The following EHBP1 variants were observed in gnomAD, a reference collection of about 807,000 sequenced individuals.
The protein encoded by EHBP1 is EH domain binding protein 1.
In EHBP1, 55 loss-of-function variants were observed where a neutral mutation model predicts 144.0. The ratio of observed to expected loss-of-function variants is 0.38; its 90% CI spans 0.31 to 0.48. EHBP1 has a LOEUF of 0.48. EHBP1 is among the 20% of genes least tolerant of loss of function. The probability of loss-of-function intolerance (pLI) is 0.98; values close to 1 mark genes in which losing one functional copy is unlikely to be tolerated. For missense variants in EHBP1, 1,200 were observed against 1,364.2 expected (o/e 0.88, Z 1.90); for synonymous variants, 469 against 472.7 (o/e 0.99, Z 0.10).
intron 5 of EHBP1, among the ~76,000 whole-genome samples, chr2:62,819,779 A>G (rs1000463585): frequency 1.3e-5 from 2 of 152,006 alleles, no homozygotes. Flanking sequence ...AACAAAAAAA[A>G]AAAAACCCGC....
intron 10 of EHBP1, among the ~76,000 whole-genome samples, chr2:62,930,801 A>T (rs1213932383): frequency 6.6e-6 from 1 of 152,174 alleles, no homozygotes; most frequent in Non-Finnish European, 1.5e-5. Flanking sequence ...TCAACAAATA[A>T]TATTGGAAAA....
chr2:63,000,385 T>G (rs902471023), intron 19 of EHBP1, among the ~76,000 whole-genome samples: 3 of 146,682 alleles, frequency 2.0e-5, no homozygotes, highest in Admixed American at 6.8e-5. Flanking sequence ...AGTGTGTGTG[T>G]TTTTTTTTTT....
chr2:62,865,346 A>C (rs1041405004), intron 9 of EHBP1, among the ~76,000 whole-genome samples: 1 of 152,220 alleles, frequency 6.6e-6, no homozygotes, highest in African/African-American at 2.4e-5. Flanking sequence ...AGAACAAAAT[A>C]ATCATTTGTG....
chr2:63,042,338 A>G (rs2061695951), intron 21 of EHBP1, among the ~76,000 whole-genome samples: 1 of 152,124 alleles, frequency 6.6e-6, no homozygotes, highest in Non-Finnish European at 1.5e-5. Flanking sequence ...GTTTGTGTAC[A>G]TATATATTAT....
chr2:63,011,637 T>C (rs905878540), intron 19 of EHBP1, among the ~76,000 whole-genome samples: 3 of 151,856 alleles, frequency 2.0e-5, no homozygotes, highest in African/African-American at 7.2e-5. Flanking sequence ...AAATTCAAGA[T>C]AGAAAATATA....
At chr2:62,758,876 A>G (rs1228624353) in intron 3 of EHBP1, among the ~76,000 whole-genome samples, 2 of 152,224 alleles carry the variant, frequency 1.3e-5, no homozygotes, top group Non-Finnish European at 2.9e-5. Context: ...GACTTTATAT[A>G]TGACATCTTA....
Position 62,949,142 on chromosome 2 carries a change from C to A in EHBP1, c.2296C>A (p.His766Asn), listed in dbSNP as rs768582306. Residue 766 changes from histidine (H) to asparagine (N), a missense_variant, in exon 13 of 23, where the codon CAT becomes AAT. By Grantham distance (68) the His-to-Asn change is moderately conservative. Around this residue, in one of 6 missense-constraint regions of EHBP1, gnomAD observed 543 missense variants for 513.1 expected, o/e 1.06. Transcript: ENST00000431489. ...TAGAACCACTTTAAATCATGCAGATCATTCATCAAAAATAGTCCAGGTAAG... is the reference window on the plus strand; with the variant it reads ...TAGAACCACTTTAAATCATGCAGATAATTCATCAAAAATAGTCCAGGTAAG... ...ADRTTLNHADHSSKIVQHRLL... is the reference protein window; with the variant it reads ...ADRTTLNHADNSSKIVQHRLL... 6.4e-7 allele frequency: 1 copy of A among 1,557,392 alleles called. No individual in the cohort carries two copies. The highest frequency in any genetic ancestry group is 1.2e-5 in the South Asian group (1 of 81,268).
intron 1 of EHBP1, among the ~76,000 whole-genome samples, chr2:62,696,637 C>T (rs1172301081): frequency 6.6e-6 from 1 of 150,526 alleles, no homozygotes; most frequent in South Asian, 2.1e-4. Flanking sequence ...CCTCAGCCTG[C>T]CAAGTAGCTG....
At chr2:62,792,366 G>A (rs1373384067) in intron 5 of EHBP1, among the ~76,000 whole-genome samples, 1 of 151,934 alleles carries the variant, frequency 6.6e-6, no homozygotes, top group Non-Finnish European at 1.5e-5. Flanking sequence ...TGTGGAGCAG[G>A]GCTAACTCCT....
At chr2:62,769,374 C>T (rs985942361) in intron 4 of EHBP1, among the ~76,000 whole-genome samples, 5 of 151,882 alleles carry the variant, frequency 3.3e-5, no homozygotes, top group South Asian at 2.1e-4. Flanking sequence ...AAAGCCAATC[C>T]GAGAGCCAAA....
chr2:62,799,658 A>G (rs2043830020), intron 5 of EHBP1, among the ~76,000 whole-genome samples: 1 of 152,212 alleles, frequency 6.6e-6, no homozygotes, highest in African/African-American at 2.4e-5. Context: ...ACTGGAAACT[A>G]TGAAGTTGGG....
chr2:62,786,629 G>A (rs559280566), intron 5 of EHBP1, among the ~76,000 whole-genome samples: 3 of 152,290 alleles, frequency 2.0e-5, no homozygotes, highest in Admixed American at 6.5e-5. Context: ...TACTGTGTTC[G>A]TACTGCACCT....
At chr2:62,847,604 T>G (rs2048382160) in intron 7 of EHBP1, among the ~76,000 whole-genome samples, 1 of 152,128 alleles carries the variant, frequency 6.6e-6, no homozygotes, top group Non-Finnish European at 1.5e-5. Flanking sequence ...GAGGCTGAGG[T>G]GGGAAGATAG....
chr2:63,042,712 A>G lies in EHBP1; in HGVS notation c.3278-2354A>G, dbSNP rs542136310. On this transcript the variant is annotated intron_variant, in intron 21 of 22. Coordinates refer to ENST00000431489, the MANE Select transcript of EHBP1 (RefSeq NM_001142616.3). ...AAAATTTTCTTTAATGTCCTCTCTT[A>G]TCCATTTTGTTAAAGTCCTAATTTT... is the stretch of plus-strand genomic sequence containing the variant. 5.3e-5 allele frequency among the ~76,000 whole-genome samples: 8 copies of G among 151,970 alleles called. No homozygotes were observed. In the South Asian group the frequency reaches 1.7e-3, roughly 32 times the overall value.
intron 6 of EHBP1, 48 bp downstream of exon 6, chr2:62,826,316 A>C (rs776024858): frequency 4.7e-6 from 7 of 1,487,274 alleles, no homozygotes. Context: ...GTTTCAGTAC[A>C]CCATAGCTTT....
chr2:63,032,566 CAAAAAAAAAAA>C (rs35237077), intron 19 of EHBP1, among the ~76,000 whole-genome samples: 13 of 28,286 alleles, frequency 4.6e-4, no homozygotes, highest in South Asian at 2.7e-3. Context: ...GACTCTGTCT[CAAAAAAAAAAA>C]AAAAAAAAAA....
chr2:62,756,505 A>G (rs1274060926), intron 3 of EHBP1, among the ~76,000 whole-genome samples: 1 of 152,208 alleles, frequency 6.6e-6, no homozygotes, highest in Non-Finnish European at 1.5e-5. Flanking sequence ...GTGTTGGCTC[A>G]TGCCTGTAAT....
At chr2:62,674,040 C>T (rs779739145) in exon 1 of EHBP1, 10 of 470,784 alleles carry the variant, frequency 2.1e-5, no homozygotes, top group South Asian at 4.6e-5. Context: ...CTCAAGAAGC[C>T]GAATCAAAAA....
chr2:62,815,755 A>G (rs187741436), intron 5 of EHBP1, among the ~76,000 whole-genome samples: 7 of 152,332 alleles, frequency 4.6e-5, no homozygotes, highest in Non-Finnish European at 7.3e-5. Context: ...AGACCTTGAA[A>G]TTGATAGTTT....
Sources: gnomAD v4.1 joint callset for allele counts (sites outside exome capture counted in the v4.1 genomes callset) on GRCh38, gnomAD v4.1.1 for gene constraint, gnomAD v4.1.1 regional missense constraint, MANE v1.5 for transcripts, NCBI Gene and HGNC (gene_info 2026-07-23, HGNC 2026-07-21) for gene names.